The following HS6ST3 variants were observed in gnomAD, a reference collection of about 807,000 sequenced individuals.
The protein encoded by HS6ST3 is heparan sulfate 6-O-sulfotransferase 3.
Under a neutral mutation model 36.7 loss-of-function variants are expected in HS6ST3, and 12 were observed. That is an observed-to-expected ratio of 0.33 (90% confidence interval 0.21 to 0.53). The LOEUF is 0.53. Among genes scored for constraint, HS6ST3 ranks in the 20% least tolerant of loss-of-function variants. The pLI, the probability that HS6ST3 is intolerant of heterozygous loss-of-function variation, is 0.95. For synonymous variants in HS6ST3, 240 were observed against 257.5 expected, an observed-to-expected ratio of 0.93 and a Z score of 0.65; for missense variants, 584 against 640.9, an observed-to-expected ratio of 0.91 and a Z score of 0.96.
At chr13:96,737,661 A>T (rs905869249) in intron 1 of HS6ST3, among the ~76,000 whole-genome samples, 135 of 146,570 alleles carry the variant, frequency 9.2e-4, no homozygotes, top group Middle Eastern at 3.5e-3. Flanking sequence ...AAAAAAAGAG[A>T]TTATTTTCAA....
chr13:96,716,823 A>G (rs1875709126), intron 1 of HS6ST3, among the ~76,000 whole-genome samples: 1 of 152,240 alleles, frequency 6.6e-6, no homozygotes, highest in Non-Finnish European at 1.5e-5. Context: ...CCGTAAAGTG[A>G]AAAAGAAAAC....
chr13:96,437,351 C>T (rs537825530), intron 1 of HS6ST3, among the ~76,000 whole-genome samples: 1 of 152,328 alleles, frequency 6.6e-6, no homozygotes, highest in East Asian at 1.9e-4. Context: ...TGAGTATCAT[C>T]AGCTACTTTG....
intron 1 of HS6ST3, among the ~76,000 whole-genome samples, chr13:96,341,864 A>G (rs1412150197): frequency 6.6e-6 from 1 of 152,172 alleles, no homozygotes; most frequent in Non-Finnish European, 1.5e-5. Flanking sequence ...CTTCTCTACC[A>G]CTAGTGTTAA....
chr13:96,731,875 T>C (rs1277137993), intron 1 of HS6ST3, among the ~76,000 whole-genome samples: 4 of 151,924 alleles, frequency 2.6e-5, no homozygotes, highest in African/African-American at 9.7e-5. Flanking sequence ...AAGCTTGTCT[T>C]GAACTCCTGG....
At chr13:96,395,525 C>T (rs149300089) in intron 1 of HS6ST3, among the ~76,000 whole-genome samples, 50 of 152,270 alleles carry the variant, frequency 3.3e-4, no homozygotes, top group African/African-American at 1.0e-3. Flanking sequence ...GTATGTGAAA[C>T]GCCTACCAGC....
intron 1 of HS6ST3, among the ~76,000 whole-genome samples, chr13:96,503,763 T>C (rs1407916625): frequency 6.6e-6 from 1 of 152,174 alleles, no homozygotes. Flanking sequence ...CACACTGAAT[T>C]CCTTCAAAAA....
intron 1 of HS6ST3, among the ~76,000 whole-genome samples, chr13:96,551,765 TCGTCACACATCGCCACCCG>T (rs1008417664): frequency 5.3e-5 from 8 of 152,160 alleles, no homozygotes; most frequent in Non-Finnish European, 7.3e-5. Context: ...CGCCTACTGC[TCGTCACACATCGCCACCCG>T]CCGGAGCATA....
rs114783928 is a variant in HS6ST3, at chr13:96,597,280, A to G, written c.708-235210A>G. ...GGGTGATTAAATAATCTGTACACAA[A>G]CGCTATGACACAAGCTTACCTACAT... On this transcript the variant is annotated intron_variant, in intron 1 of 1. Coordinates refer to ENST00000376705, the MANE Select transcript of HS6ST3 (RefSeq NM_153456.4). 5.6e-3 allele frequency among the ~76,000 whole-genome samples: 848 copies of G among 151,960 alleles called. 5 individuals are homozygous for G. Among genetic ancestry groups the G allele is most frequent in the African/African-American group, 0.019 (801 of 41,448 alleles).
chr13:96,108,502 C>T (rs573958458), intron 1 of HS6ST3, among the ~76,000 whole-genome samples: 20 of 152,246 alleles, frequency 1.3e-4, no homozygotes, highest in Admixed American at 3.3e-4. Context: ...ACACTTTATT[C>T]GTACACTCCC....
At chr13:96,708,798 G>A (rs779316016) in intron 1 of HS6ST3, among the ~76,000 whole-genome samples, 9 of 152,168 alleles carry the variant, frequency 5.9e-5, no homozygotes, top group Non-Finnish European at 1.3e-4. Context: ...ATCAATGAAG[G>A]ACAAAGGAAT....
At chr13:96,307,913 C>A (rs998117413) in intron 1 of HS6ST3, among the ~76,000 whole-genome samples, 3 of 151,962 alleles carry the variant, frequency 2.0e-5, no homozygotes, top group Non-Finnish European at 4.4e-5. Context: ...TTAGTTTTTG[C>A]ATAATTGCTG....
intron 1 of HS6ST3, among the ~76,000 whole-genome samples, chr13:96,755,805 T>A (rs1306124897): frequency 1.3e-5 from 2 of 152,242 alleles, no homozygotes; most frequent in African/African-American, 2.4e-5. Context: ...TGAACATTGA[T>A]GTATGTAATT....
At chr13:96,221,610 C>G (rs1594721327) in intron 1 of HS6ST3, among the ~76,000 whole-genome samples, 1 of 152,170 alleles carries the variant, frequency 6.6e-6, no homozygotes, top group East Asian at 1.9e-4. Context: ...ACTGACCAAA[C>G]AGTAGAGGTC....
At chr13:96,716,711 A>G (rs938085268) in intron 1 of HS6ST3, among the ~76,000 whole-genome samples, 2 of 152,178 alleles carry the variant, frequency 1.3e-5, no homozygotes, top group East Asian at 1.9e-4. Flanking sequence ...CTAGATATCT[A>G]TCTATCTAAA....
chr13:96,645,001 A>G (rs1344690983), intron 1 of HS6ST3, among the ~76,000 whole-genome samples: 1 of 151,994 alleles, frequency 6.6e-6, no homozygotes, highest in Non-Finnish European at 1.5e-5. Flanking sequence ...AACTGTTTGA[A>G]TTCAAATATG....
At chr13:96,373,326 C>T (rs2055298993) in intron 1 of HS6ST3, among the ~76,000 whole-genome samples, 1 of 152,146 alleles carries the variant, frequency 6.6e-6, no homozygotes, top group Non-Finnish European at 1.5e-5. Flanking sequence ...CTAAAGGACC[C>T]TATCTTCCTG....
chr13:96,811,322 G>C (rs1878312952), intron 1 of HS6ST3, among the ~76,000 whole-genome samples: 1 of 152,096 alleles, frequency 6.6e-6, no homozygotes, highest in African/African-American at 2.4e-5. Flanking sequence ...TTCGACTTCT[G>C]ATATGATTTG....
intron 1 of HS6ST3, among the ~76,000 whole-genome samples, chr13:96,284,054 A>G (rs932008482): frequency 2.0e-5 from 3 of 152,144 alleles, no homozygotes; most frequent in Non-Finnish European, 4.4e-5. Context: ...ATCTTAACAG[A>G]AAGATGGAGA....
In HS6ST3 at chr13:96,811,265, C is replaced by T. The variant is rs573289694; in HGVS notation, c.708-21225C>T. Among the ~76,000 whole-genome samples the T allele has an allele frequency of 6.6e-5, 10 of 152,274 alleles. No individual in the cohort carries two copies. In the South Asian group the frequency reaches 2.1e-3, roughly 32 times the overall value. On this transcript the variant is annotated intron_variant, in intron 1 of 1. Transcript: ENST00000376705. ...CCATTAGGAGCCCGTGCCACCTCGC[C>T]TTGGCAGAGAGGACCAGGAAGAAAT...
Sources: gnomAD v4.1 joint callset for allele counts (sites outside exome capture counted in the v4.1 genomes callset) on GRCh38, gnomAD v4.1.1 for gene constraint, MANE v1.5 for transcripts, NCBI Gene and HGNC (gene_info 2026-07-23, HGNC 2026-07-21) for gene names.